The following WDR7 variants were observed in gnomAD, a reference collection of about 807,000 sequenced individuals.
The protein encoded by WDR7 is WD repeat-containing protein 7.
In WDR7, 46 loss-of-function variants were observed where a neutral mutation model predicts 169.4. That is an observed-to-expected ratio of 0.27 (90% confidence interval 0.21 to 0.35). The LOEUF is 0.35. WDR7 is among the 10% of genes least tolerant of loss of function. WDR7 has a pLI of 1.00. For missense variants in WDR7, 1,534 were observed against 1,859.3 expected (o/e 0.83, Z 3.22); for synonymous variants, 612 against 666.8 (o/e 0.92, Z 1.27).
chr18:56,659,884 A>G (rs2024867447), intron 1 of WDR7, among the ~76,000 whole-genome samples: 1 of 152,002 alleles, frequency 6.6e-6, no homozygotes, highest in African/African-American at 2.4e-5. Context: ...GTCACTCTAT[A>G]TGCTGTGTTG....
intron 20 of WDR7, among the ~76,000 whole-genome samples, chr18:56,840,332 T>C (rs1260698952): frequency 6.6e-6 from 1 of 151,688 alleles, no homozygotes. Context: ...GATCAAGATA[T>C]ATGAAAGTAA....
intron 20 of WDR7, among the ~76,000 whole-genome samples, chr18:56,827,316 A>G (rs1023134683): frequency 2.0e-5 from 3 of 152,216 alleles, no homozygotes; most frequent in Admixed American, 6.5e-5. Flanking sequence ...ATGAATGGCT[A>G]CAGAAAATGT....
At chr18:56,997,084 C>A (rs181338474) in intron 26 of WDR7, among the ~76,000 whole-genome samples, 1 of 152,222 alleles carries the variant, frequency 6.6e-6, no homozygotes, top group Admixed American at 6.5e-5. Context: ...ACTTAATTTT[C>A]TGAGCATCTT....
intron 26 of WDR7, among the ~76,000 whole-genome samples, chr18:56,986,712 A>G (rs1385357355): frequency 6.6e-6 from 1 of 151,826 alleles, no homozygotes; most frequent in African/African-American, 2.4e-5. Context: ...TGTAAACAGA[A>G]CCCAATGACG....
intron 19 of WDR7, among the ~76,000 whole-genome samples, chr18:56,809,568 C>G (rs1222290027): frequency 2.6e-5 from 4 of 152,112 alleles, no homozygotes; most frequent in African/African-American, 9.6e-5. Context: ...CCTGAAATTT[C>G]CATAAATATA....
chr18:56,937,798 A>C (rs969300361), intron 23 of WDR7, among the ~76,000 whole-genome samples: 2 of 152,176 alleles, frequency 1.3e-5, no homozygotes, highest in East Asian at 3.8e-4. Flanking sequence ...TCAAAAACCC[A>C]CAAATAATAT....
At chr18:56,716,029 CAG>C (rs2026184249) in intron 12 of WDR7, among the ~76,000 whole-genome samples, 1 of 93,222 alleles carries the variant, frequency 1.1e-5, no homozygotes, top group Non-Finnish European at 2.3e-5. Flanking sequence ...ACATACGTAG[CAG>C]TGTGTGTGTG....
At chr18:56,952,024 T>TA (rs1345438586) in intron 25 of WDR7, among the ~76,000 whole-genome samples, 1 of 152,234 alleles carries the variant, frequency 6.6e-6, no homozygotes, top group Non-Finnish European at 1.5e-5. Context: ...ATGTCTGGCT[T>TA]AACATAAGTC....
chr18:56,745,383 C>T (rs932171222), intron 14 of WDR7, among the ~76,000 whole-genome samples: 3 of 152,162 alleles, frequency 2.0e-5, no homozygotes, highest in South Asian at 2.1e-4. Flanking sequence ...TGAAAGTCTC[C>T]AGAACAGCAC....
chr18:56,894,503 C>T (rs1480374027), intron 21 of WDR7, among the ~76,000 whole-genome samples: 2 of 152,052 alleles, frequency 1.3e-5, no homozygotes, highest in Non-Finnish European at 2.9e-5. Context: ...CAATTTTCAA[C>T]TTCTCAATGA....
At chr18:56,826,312 T>C (rs1326151146) in intron 20 of WDR7, among the ~76,000 whole-genome samples, 4 of 152,236 alleles carry the variant, frequency 2.6e-5, no homozygotes, top group Non-Finnish European at 5.9e-5. Flanking sequence ...ACAGACTCTA[T>C]GTCATACCTG....
chr18:56,755,580 G>A (rs2043873027), intron 14 of WDR7, among the ~76,000 whole-genome samples: 1 of 152,218 alleles, frequency 6.6e-6, no homozygotes, highest in Non-Finnish European at 1.5e-5. Flanking sequence ...GAGGGGTGGA[G>A]ATGAGAACGT....
chr18:56,989,798 T>C (rs543173294), intron 26 of WDR7, among the ~76,000 whole-genome samples: 7 of 152,330 alleles, frequency 4.6e-5, no homozygotes, highest in Non-Finnish European at 7.4e-5. Context: ...AGTTCCTACA[T>C]TGAAAATGTC....
intron 26 of WDR7, chr18:57,010,247 T>C: frequency 2.0e-6 from 2 of 985,450 alleles, no homozygotes; most frequent in South Asian, 9.4e-5. Flanking sequence ...GAAGAAAACA[T>C]TTTGTGTGAC....
chr18:56,838,396 A>G (rs1366620842), intron 20 of WDR7, among the ~76,000 whole-genome samples: 3 of 152,184 alleles, frequency 2.0e-5, no homozygotes, highest in Non-Finnish European at 4.4e-5. Context: ...GAATAATGCA[A>G]TAGTTTGAGG....
chr18:56,798,924 AATGT>A (rs1308153257), intron 19 of WDR7, among the ~76,000 whole-genome samples: 1 of 152,212 alleles, frequency 6.6e-6, no homozygotes, highest in Non-Finnish European at 1.5e-5. Context: ...TGTCCTGATC[AATGT>A]ATGTATCACA....
At chr18:56,859,599 G>A (rs1036882138) in intron 20 of WDR7, among the ~76,000 whole-genome samples, 3 of 152,154 alleles carry the variant, frequency 2.0e-5, no homozygotes, top group African/African-American at 7.2e-5. Flanking sequence ...CAGAAACCCT[G>A]TTATTAGTCC....
chr18:56,951,081 C>T (rs1013283700), intron 25 of WDR7, among the ~76,000 whole-genome samples: 8 of 152,166 alleles, frequency 5.3e-5, no homozygotes, highest in African/African-American at 7.2e-5. Flanking sequence ...CAGATATTGA[C>T]GAAGCCAGCT....
chr18:56,736,976 T>A (rs116665207), intron 14 of WDR7, among the ~76,000 whole-genome samples: 1 of 152,120 alleles, frequency 6.6e-6, no homozygotes, highest in Non-Finnish European at 1.5e-5. Flanking sequence ...TAATTGGTAA[T>A]GATTAAAGAG....
Sources: allele counts gnomAD v4.1 joint callset (sites outside exome capture counted in the v4.1 genomes callset), GRCh38; gene constraint gnomAD v4.1.1; transcripts MANE v1.5; gene names NCBI Gene and HGNC (gene_info 2026-07-23, HGNC 2026-07-21).